Variants in WSCD2 observed in about 807,000 individuals in gnomAD.
The protein encoded by WSCD2 is sialate:O-sulfotransferase 2.
WSCD2 carries 28 observed loss-of-function variants against 55.7 expected under a neutral mutation model. The ratio of observed to expected loss-of-function variants is 0.50; its 90% CI spans 0.37 to 0.69. The LOEUF is 0.69. Ranked by LOEUF, WSCD2 falls within the 30% of genes least tolerant of loss-of-function variation. The pLI, the probability that WSCD2 is intolerant of heterozygous loss-of-function variation, is 0.00. For missense variants in WSCD2, 616 were observed against 762.1 expected, an observed-to-expected ratio of 0.81 and a Z score of 2.26; for synonymous variants, 301 against 301.9, an observed-to-expected ratio of 1.00 and a Z score of 0.03.
At chr12:108,166,422 C>A (rs1879599960) in intron 1 of WSCD2, among the ~76,000 whole-genome samples, 3 of 152,214 alleles carry the variant, frequency 2.0e-5, no homozygotes, top group African/African-American at 4.8e-5. Context: ...TGCTCCTAAG[C>A]AAAATCCTCT....
At chr12:108,135,710 A>T (rs1876120134) in intron 1 of WSCD2, among the ~76,000 whole-genome samples, 1 of 152,370 alleles carries the variant, frequency 6.6e-6, no homozygotes, top group African/African-American at 2.4e-5. Context: ...ACAAACCAGG[A>T]CAAATTGGTT....
Position 108,173,810 on chromosome 12 carries a change from C to CTCTGTGTGTG in WSCD2, c.-551-21471_-551-21470insCTGTGTGTGT, listed in dbSNP as rs376999073. 2.1e-3 allele frequency among the ~76,000 whole-genome samples: 275 copies of CTCTGTGTGTG among 131,226 alleles called. 2 individuals carry two copies. Among genetic ancestry groups the CTCTGTGTGTG allele is most frequent in the African/African-American group, 7.2e-3 (235 of 32,726 alleles). The allele number at this position is 131,226 out of a possible 152,430, so 86.1% of individuals were successfully genotyped here. Reference sequence around the variant, plus strand: ...TGAGGCAGAGCTGATTCCTGGCTCTCTGTGTGTGTGTGTGTGTGTGTGTGT... The same window carrying CTCTGTGTGTG: ...TGAGGCAGAGCTGATTCCTGGCTCTCTCTGTGTGTGTGTGTGTGTGTGTGTGTGTGTGTGT... On this transcript the variant is annotated intron_variant, in intron 1 of 8. Coordinates refer to ENST00000547525, the MANE Select transcript of WSCD2 (RefSeq NM_014653.4).
intron 4 of WSCD2, among the ~76,000 whole-genome samples, chr12:108,216,623 G>A (rs1426362): frequency 0.15 from 22,136 of 152,278 alleles, 1,717 homozygotes; most frequent in Middle Eastern, 0.17. Context: ...CACCCATAGG[G>A]GACTAGAAAG....
intron 1 of WSCD2, among the ~76,000 whole-genome samples, chr12:108,149,297 C>A (rs995151309): frequency 1.3e-5 from 2 of 152,184 alleles, no homozygotes; most frequent in Non-Finnish European, 2.9e-5. Context: ...TATTTCTTTT[C>A]ACCCAAAGAC....
At chr12:108,229,197 C>T (rs140332283) in intron 6 of WSCD2, among the ~76,000 whole-genome samples, 14 of 152,318 alleles carry the variant, frequency 9.2e-5, no homozygotes, top group African/African-American at 3.4e-4. Context: ...CCAGGACTGA[C>T]ATTTATTGAG....
chr12:108,195,798 C>T lies in WSCD2; in HGVS notation c.-35C>T. ...TCCATCCTCTCCCAAGCACCCCAGCCAAGCCCCAGAGAGCCAGTCCGGAAT... is the reference window on the plus strand; with the variant it reads ...TCCATCCTCTCCCAAGCACCCCAGCTAAGCCCCAGAGAGCCAGTCCGGAAT... On this transcript the variant is annotated 5_prime_UTR_variant, in exon 2 of 9. Transcript: ENST00000547525. 2 of 1,566,002 alleles carry T rather than the reference C, an allele frequency of 1.3e-6. No homozygotes were observed. Among genetic ancestry groups the T allele is most frequent in the South Asian group, 2.4e-5 (2 of 82,288 alleles).
At chr12:108,168,990 A>C (rs1666905455) in intron 1 of WSCD2, among the ~76,000 whole-genome samples, 1 of 152,202 alleles carries the variant, frequency 6.6e-6, no homozygotes, top group East Asian at 1.9e-4. Flanking sequence ...GCCACTCCTC[A>C]TTGCTCACAT....
intron 4 of WSCD2, among the ~76,000 whole-genome samples, chr12:108,222,477 T>C (rs1334118399): frequency 2.0e-5 from 3 of 152,340 alleles, no homozygotes; most frequent in East Asian, 3.9e-4. Context: ...TGACACATAA[T>C]AGGTATTCAA....
At chr12:108,173,810 C>CTGTGTGTGTG (rs113409001) in intron 1 of WSCD2, among the ~76,000 whole-genome samples, 2,481 of 131,158 alleles carry the variant, frequency 0.019, 96 homozygotes, top group African/African-American at 0.057. Flanking sequence ...TCCTGGCTCT[C>CTGTGTGTGTG]TGTGTGTGTG....
intron 4 of WSCD2, among the ~76,000 whole-genome samples, chr12:108,215,634 A>G (rs1304048286): frequency 6.6e-6 from 1 of 152,188 alleles, no homozygotes; most frequent in East Asian, 1.9e-4. Context: ...ATAGGTAGCT[A>G]GGTAGCCATT....
At chr12:108,224,163 G>T (rs1336943723) in intron 4 of WSCD2, among the ~76,000 whole-genome samples, 1 of 152,182 alleles carries the variant, frequency 6.6e-6, no homozygotes, top group African/African-American at 2.4e-5. Context: ...TTCTTAAAGG[G>T]ATTGCCTCTG....
chr12:108,196,580 A>T (rs1438828922), intron 2 of WSCD2: 5 of 192,072 alleles, frequency 2.6e-5, no homozygotes, highest in Non-Finnish European at 5.3e-5. Flanking sequence ...ACTGTTTCCA[A>T]GCACTTTACA....
chr12:108,211,140 A>C (rs1019986912), intron 4 of WSCD2, among the ~76,000 whole-genome samples: 2 of 152,226 alleles, frequency 1.3e-5, no homozygotes, highest in Non-Finnish European at 2.9e-5. Flanking sequence ...ACTGTTGTTC[A>C]TTATCCCCAA....
chr12:108,168,315 A>G (rs751394704), intron 1 of WSCD2, among the ~76,000 whole-genome samples: 3 of 152,176 alleles, frequency 2.0e-5, no homozygotes, highest in Non-Finnish European at 4.4e-5. Flanking sequence ...ATGCTCTGCC[A>G]CTTTTCAGCT....
intron 1 of WSCD2, among the ~76,000 whole-genome samples, chr12:108,173,093 C>A (rs182674476): frequency 1.8e-4 from 27 of 152,254 alleles, no homozygotes; most frequent in Admixed American, 1.8e-3. Flanking sequence ...CTTGGACTTC[C>A]CAGACTCCAG....
At chr12:108,183,668 C>T (rs1443287078) in intron 1 of WSCD2, among the ~76,000 whole-genome samples, 4 of 152,182 alleles carry the variant, frequency 2.6e-5, no homozygotes, top group Non-Finnish European at 5.9e-5. Flanking sequence ...AGGAGAAAGG[C>T]TGTCTTGTAC....
At chr12:108,232,456 T>C (rs1888872345) in intron 6 of WSCD2, among the ~76,000 whole-genome samples, 1 of 152,188 alleles carries the variant, frequency 6.6e-6, no homozygotes, top group South Asian at 2.1e-4. Flanking sequence ...CTGACTTCTA[T>C]TGGATCCCTA....
Position 108,214,987 on chromosome 12 carries a change from T to A in WSCD2, c.682+4682T>A, listed in dbSNP as rs549909626. On this transcript the variant is annotated intron_variant, in intron 4 of 8. Transcript: ENST00000547525. Reference sequence around the variant, plus strand: ...CAACTACTTTTACTGAGGGGAACCCTCAGATGATTAGGGGACAGTCACATT... The same window carrying A: ...CAACTACTTTTACTGAGGGGAACCCACAGATGATTAGGGGACAGTCACATT... Among the ~76,000 whole-genome samples, 3 of 152,350 alleles carry A rather than the reference T, an allele frequency of 2.0e-5. No individual in the cohort carries two copies. In the South Asian group the frequency reaches 6.2e-4, roughly 32 times the overall value.
Position 108,206,320 on chromosome 12 carries a change from C to G in WSCD2, c.414C>G (p.Thr138=), listed in dbSNP as rs1191779666. Residue 138 remains threonine (T), a synonymous_variant, in exon 3 of 9, where the codon ACC becomes ACG. Coordinates refer to ENST00000547525, the MANE Select transcript of WSCD2 (RefSeq NM_014653.4). ...AKYIGCYLDD[T]QSRALRGVSF... ...ACATCGGCTGCTACCTGGATGACAC[C>G]CAGAGTCGGGCCCTTCGAGGAGTGT... The G allele has an allele frequency of 1.2e-6, 2 of 1,614,086 alleles. No homozygotes were observed. Among genetic ancestry groups the G allele is most frequent in the African/African-American group, 2.7e-5 (2 of 74,932 alleles).
Sources: gnomAD v4.1 joint callset for allele counts (sites outside exome capture counted in the v4.1 genomes callset) on GRCh38, gnomAD v4.1.1 for gene constraint, MANE v1.5 for transcripts, NCBI Gene and HGNC (gene_info 2026-07-23, HGNC 2026-07-21) for gene names.